The following RBFOX1 variants were observed in gnomAD, a reference collection of about 807,000 sequenced individuals.
The protein encoded by RBFOX1 is RNA binding protein fox-1 homolog 1.
In RBFOX1, 8 loss-of-function variants were observed where a neutral mutation model predicts 57.7. The ratio of observed to expected loss-of-function variants is 0.14; its 90% CI spans 0.08 to 0.25. RBFOX1 has a LOEUF of 0.25. RBFOX1 is among the 10% of genes least tolerant of loss of function. The pLI, the probability that RBFOX1 is intolerant of heterozygous loss-of-function variation, is 1.00. For missense variants in RBFOX1, 611 were observed against 548.5 expected, an observed-to-expected ratio of 1.11 and a Z score of -1.14; for synonymous variants, 326 against 222.4, an observed-to-expected ratio of 1.47 and a Z score of -4.15.
intron 1 of RBFOX1, among the ~76,000 whole-genome samples, chr16:6,082,654 G>A (rs192840427): frequency 7.2e-5 from 11 of 152,144 alleles, no homozygotes; most frequent in Admixed American, 2.0e-4. Flanking sequence ...CAATAGGGAC[G>A]GAATGATAAG....
At chr16:7,692,976 T>TA (rs1274567280) in intron 14 of RBFOX1, among the ~76,000 whole-genome samples, 2 of 152,160 alleles carry the variant, frequency 1.3e-5, no homozygotes, top group African/African-American at 4.8e-5. Context: ...AGTCCCATTT[T>TA]AAAAAGTAAT....
intron 2 of RBFOX1, among the ~76,000 whole-genome samples, chr16:5,598,607 G>C (rs562635227): frequency 6.6e-6 from 1 of 151,946 alleles, no homozygotes; most frequent in Non-Finnish European, 1.5e-5. Context: ...TATTAATGAG[G>C]TGTTTTATAT....
intron 2 of RBFOX1, among the ~76,000 whole-genome samples, chr16:6,599,574 T>A: frequency 6.6e-6 from 1 of 152,194 alleles, no homozygotes; most frequent in Non-Finnish European, 1.5e-5. Context: ...CTACCATTTC[T>A]TACTTGCAAA....
intron 4 of RBFOX1, among the ~76,000 whole-genome samples, chr16:7,265,188 C>G (rs1173440336): frequency 6.6e-6 from 1 of 152,068 alleles, no homozygotes; most frequent in South Asian, 2.1e-4. Flanking sequence ...AGCAAAGTGC[C>G]ATAGACAGGG....
intron 2 of RBFOX1, among the ~76,000 whole-genome samples, chr16:6,337,687 G>T (rs1420868329): frequency 6.6e-6 from 1 of 152,188 alleles, no homozygotes; most frequent in Non-Finnish European, 1.5e-5. Flanking sequence ...TCTTAGGAAA[G>T]CTTAGGTAAT....
intron 4 of RBFOX1, among the ~76,000 whole-genome samples, chr16:7,133,885 G>C (rs564242193): frequency 6.6e-6 from 1 of 152,058 alleles, no homozygotes; most frequent in African/African-American, 2.4e-5. Context: ...AAAATATACA[G>C]CTAAACAGAA....
At chr16:6,333,028 G>A (rs2083225375) in intron 2 of RBFOX1, among the ~76,000 whole-genome samples, 1 of 152,024 alleles carries the variant, frequency 6.6e-6, no homozygotes, top group Non-Finnish European at 1.5e-5. Context: ...TGATGTCCTT[G>A]ACATGTGACA....
intron 1 of RBFOX1, among the ~76,000 whole-genome samples, chr16:5,240,432 T>C (rs1451726744): frequency 6.6e-6 from 1 of 151,976 alleles, no homozygotes; most frequent in Non-Finnish European, 1.5e-5. Context: ...GCGCTGGGCA[T>C]CCTGTCTGGG....
At chr16:6,206,908 G>A (rs2097259021) in intron 1 of RBFOX1, among the ~76,000 whole-genome samples, 1 of 151,100 alleles carries the variant, frequency 6.6e-6, no homozygotes, top group African/African-American at 2.4e-5. Flanking sequence ...GACAACATCA[G>A]CTTTTTCAGC....
At chr16:6,825,075 C>T (rs971909977) in intron 3 of RBFOX1, among the ~76,000 whole-genome samples, 7 of 136,930 alleles carry the variant, frequency 5.1e-5, no homozygotes, top group African/African-American at 1.9e-4. Context: ...TTGCTCACTG[C>T]AACCCCTGTC....
chr16:7,544,257 G>A (rs1019212943), intron 5 of RBFOX1, among the ~76,000 whole-genome samples: 1 of 152,206 alleles, frequency 6.6e-6, no homozygotes, highest in African/African-American at 2.4e-5. Flanking sequence ...AAGGAGAAGT[G>A]AACGTTGGAG....
At chr16:5,249,320 C>T (rs1403884587) in intron 1 of RBFOX1, among the ~76,000 whole-genome samples, 1 of 152,130 alleles carries the variant, frequency 6.6e-6, no homozygotes, top group African/African-American at 2.4e-5. Context: ...CTGACTGTGC[C>T]CCCCACCTTG....
Position 5,524,714 on chromosome 16 carries a change from T to G in RBFOX1, c.258+57460T>G, listed in dbSNP as rs148097638. Reference sequence around the variant, plus strand: ...TGCCACCGTGACTGGCTAATTTTTGTATTTTTAGTAGAGACAGGGTTTCAC... The same window carrying G: ...TGCCACCGTGACTGGCTAATTTTTGGATTTTTAGTAGAGACAGGGTTTCAC... On this transcript the variant is annotated intron_variant, in intron 2 of 2. Transcript: ENST00000585867. 8.5e-3 allele frequency among the ~76,000 whole-genome samples: 1,293 copies of G among 152,162 alleles called. 27 individuals are homozygous for G. Among genetic ancestry groups the G allele is most frequent in the African/African-American group, 0.029 (1,207 of 41,508 alleles).
At chr16:6,813,596 C>T (rs901056954) in intron 3 of RBFOX1, among the ~76,000 whole-genome samples, 1 of 152,196 alleles carries the variant, frequency 6.6e-6, no homozygotes, top group Non-Finnish European at 1.5e-5. Flanking sequence ...CCAAACCTCT[C>T]TCTCCACAGG....
intron 5 of RBFOX1, among the ~76,000 whole-genome samples, chr16:7,541,494 G>A (rs1458176981): frequency 6.6e-6 from 1 of 151,756 alleles, no homozygotes. Flanking sequence ...ATCTCACTCA[G>A]AGTGAATTCA....
intron 3 of RBFOX1, among the ~76,000 whole-genome samples, chr16:6,981,647 C>G (rs759787954): frequency 6.6e-6 from 1 of 152,126 alleles, no homozygotes; most frequent in Non-Finnish European, 1.5e-5. Flanking sequence ...TACATAGTGG[C>G]AAGCCAGAGA....
Position 7,260,412 on chromosome 16 carries a change from C to T in RBFOX1, c.27+208314C>T, listed in dbSNP as rs116269448. Among the ~76,000 whole-genome samples, 693 of 152,188 alleles carry T rather than the reference C, an allele frequency of 4.6e-3. 4 individuals carry two copies. Among genetic ancestry groups the T allele is most frequent in the African/African-American group, 0.016 (660 of 41,524 alleles). On this transcript the variant is annotated intron_variant, in intron 4 of 15. Coordinates refer to ENST00000550418, the MANE Select transcript of RBFOX1 (RefSeq NM_018723.4). ...GAAAGAAAGAAACAAAAACAATTAA[C>T]CAAAGATCACCCACAAAGCTCCCAA...
At chr16:5,913,277 G>C (rs1463208016) in intron 4 of RBFOX1, among the ~76,000 whole-genome samples, 1 of 152,122 alleles carries the variant, frequency 6.6e-6, no homozygotes, top group Non-Finnish European at 1.5e-5. Context: ...ACCATGTATG[G>C]GTTGTTTCGA....
At chr16:5,396,290 C>T (rs868318494) in intron 1 of RBFOX1, among the ~76,000 whole-genome samples, 4 of 152,206 alleles carry the variant, frequency 2.6e-5, no homozygotes, top group Non-Finnish European at 4.4e-5. Flanking sequence ...CCTACATCTC[C>T]CTAGACCTTA....
Sources: gnomAD v4.1 joint callset for allele counts (sites outside exome capture counted in the v4.1 genomes callset) on GRCh38, gnomAD v4.1.1 for gene constraint, MANE v1.5 for transcripts, NCBI Gene and HGNC (gene_info 2026-07-23, HGNC 2026-07-21) for gene names.